Variants in MED27 observed in about 807,000 individuals in gnomAD.
MED27 encodes mediator complex subunit 27, also known as mediator of RNA polymerase II transcription subunit 27.
In MED27, 30 loss-of-function variants were observed where a neutral mutation model predicts 38.2. That is an observed-to-expected ratio of 0.79 (90% CI 0.59 to 1.07). The LOEUF (loss-of-function observed/expected upper bound fraction) is 1.07, where lower values mean the gene tolerates loss of function less well. Ranked by LOEUF, MED27 falls within the 50% of genes least tolerant of loss-of-function variation. MED27 has a pLI of 0.00. For synonymous variants in MED27, 122 were observed against 153.5 expected, an observed-to-expected ratio of 0.79 and a Z score of 1.52; for missense variants, 289 against 397.5, an observed-to-expected ratio of 0.73 and a Z score of 2.32.
intron 2 of MED27, among the ~76,000 whole-genome samples, chr9:132,059,180 C>A (rs1295062201): frequency 6.6e-6 from 1 of 152,212 alleles, no homozygotes; most frequent in East Asian, 1.9e-4. Flanking sequence ...AACTGAGACA[C>A]AACATACGGG....
chr9:131,940,243 C>T (rs1005789605), intron 3 of MED27, among the ~76,000 whole-genome samples: 7 of 152,002 alleles, frequency 4.6e-5, no homozygotes, highest in Admixed American at 4.6e-4. Flanking sequence ...CATTCCTGAT[C>T]TCCTGGTTGT....
intron 4 of MED27, among the ~76,000 whole-genome samples, chr9:131,921,435 C>T (rs1830389689): frequency 6.6e-6 from 1 of 152,144 alleles, no homozygotes; most frequent in Admixed American, 6.6e-5. Context: ...CCTTCATCAT[C>T]ACTGGCCATC....
At chr9:131,926,204 C>T (rs917840775) in intron 4 of MED27, among the ~76,000 whole-genome samples, 2 of 152,262 alleles carry the variant, frequency 1.3e-5, no homozygotes, top group Non-Finnish European at 1.5e-5. Flanking sequence ...GCAAAAACTT[C>T]GTGTGGTCCA....
intron 2 of MED27, among the ~76,000 whole-genome samples, chr9:132,042,979 T>C (rs972930708): frequency 1.3e-5 from 2 of 152,214 alleles, no homozygotes; most frequent in African/African-American, 2.4e-5. Flanking sequence ...TAGGTACTTT[T>C]GTTTTTGAGG....
At chr9:131,985,471 T>A (rs1831829544) in intron 3 of MED27, among the ~76,000 whole-genome samples, 1 of 152,164 alleles carries the variant, frequency 6.6e-6, no homozygotes, top group Non-Finnish European at 1.5e-5. Context: ...AGTGGTCCCA[T>A]AAGATTATAA....
At chr9:131,934,883 A>C (rs928186252) in intron 4 of MED27, among the ~76,000 whole-genome samples, 1 of 152,236 alleles carries the variant, frequency 6.6e-6, no homozygotes, top group Non-Finnish European at 1.5e-5. Flanking sequence ...TTCAGCCATA[A>C]AAAGTACAAG....
chr9:132,036,727 A>G lies in MED27; in HGVS notation c.349-22260T>C, dbSNP rs75885770. Among the ~76,000 whole-genome samples the G allele has an allele frequency of 1.0e-3, 153 of 152,346 alleles. 1 individual carries two copies. The East Asian group carries it at 0.026, about 26-fold the overall frequency. ...CTGTGAAAACACATTTATTACAGAA[A>G]CATGACTCAGTCTATTTCCAGGTAC... is the stretch of plus-strand genomic sequence containing the variant. On this transcript the variant is annotated intron_variant, in intron 2 of 7. Transcript: ENST00000292035.
At chr9:131,877,997 G>A (rs958424803) in intron 6 of MED27, among the ~76,000 whole-genome samples, 21 of 152,082 alleles carry the variant, frequency 1.4e-4, no homozygotes, top group East Asian at 3.9e-4. Context: ...TGAACAGGCC[G>A]GGCGCGGTGG....
chr9:131,986,126 G>A (rs1216562621), intron 3 of MED27, among the ~76,000 whole-genome samples: 3 of 152,160 alleles, frequency 2.0e-5, no homozygotes, highest in African/African-American at 7.2e-5. Context: ...AGTTTATAAA[G>A]TGAAAAAGTA....
intron 2 of MED27, among the ~76,000 whole-genome samples, chr9:132,058,109 T>A (rs1233655964): frequency 6.6e-6 from 1 of 152,202 alleles, no homozygotes; most frequent in Non-Finnish European, 1.5e-5. Flanking sequence ...GTAAAAACTT[T>A]AAGCTGAGTG....
Position 131,860,655 on chromosome 9 carries a change from G to A in MED27, c.819C>T (p.Tyr273=). 6.2e-7 allele frequency: 1 copy of A among 1,613,420 alleles called. No individual in the cohort carries two copies. The highest frequency in any genetic ancestry group is 8.5e-7 in the Non-Finnish European group (1 of 1,179,758). Reference sequence around the variant, plus strand: ...GGCACGGGGCCTGGAACAGCTTTATGTAACTTCTTAACCAGGTCTAAAAAG... The same window carrying A: ...GGCACGGGGCCTGGAACAGCTTTATATAACTTCTTAACCAGGTCTAAAAAG... ...VRSFMTWLRS[Y]IKLFQAPCQR... The change falls in exon 8 of 8, where the codon TAC becomes TAT. Residue 273 remains tyrosine, a synonymous_variant. Transcript: ENST00000292035. This position sits in a 1 kb window ranked among gnomAD's most constrained non-coding sequence, Gnocchi z 5.8.
Position 131,980,859 on chromosome 9 carries a change from T to C in MED27, c.479+33478A>G, listed in dbSNP as rs114249829. ...TTCCCGCAGCAGACAGCAGGCAGCATAGACACAGTTGAATTTCTTGTTAGT... is the reference window on the plus strand; with the variant it reads ...TTCCCGCAGCAGACAGCAGGCAGCACAGACACAGTTGAATTTCTTGTTAGT... On this transcript the variant is annotated intron_variant, in intron 3 of 7. Transcript: ENST00000292035. Among the ~76,000 whole-genome samples the C allele has an allele frequency of 9.7e-3, 1,473 of 152,246 alleles. 25 individuals are homozygous for C. The highest frequency in any genetic ancestry group is 0.034 in the African/African-American group (1,403 of 41,540).
chr9:131,910,590 T>C (rs1253498596), intron 4 of MED27, among the ~76,000 whole-genome samples: 1 of 152,240 alleles, frequency 6.6e-6, no homozygotes, highest in African/African-American at 2.4e-5. Context: ...TCCCACACTT[T>C]GCATGGCTTT....
chr9:131,881,599 T>C (rs1050332275), intron 6 of MED27, among the ~76,000 whole-genome samples: 3 of 152,210 alleles, frequency 2.0e-5, no homozygotes, highest in Non-Finnish European at 4.4e-5. Flanking sequence ...GCTGCAAAGA[T>C]GCAATAGACA....
At chr9:131,898,687 C>T (rs1476073286) in intron 4 of MED27, among the ~76,000 whole-genome samples, 3 of 151,740 alleles carry the variant, frequency 2.0e-5, no homozygotes, top group South Asian at 4.2e-4. Flanking sequence ...AAAGTTCAAG[C>T]GATTCTCCTT....
intron 2 of MED27, among the ~76,000 whole-genome samples, chr9:132,065,245 C>A (rs899878182): frequency 6.6e-6 from 1 of 152,140 alleles, no homozygotes; most frequent in African/African-American, 2.4e-5. Context: ...AGGGCTAAGA[C>A]CAGAATGCAC....
intron 4 of MED27, among the ~76,000 whole-genome samples, chr9:131,899,285 C>T (rs1361803649): frequency 6.6e-6 from 1 of 152,140 alleles, no homozygotes; most frequent in African/African-American, 2.4e-5. Flanking sequence ...ACTGGGGCTA[C>T]AGGAAGCTGA....
At chr9:132,014,585 T>G (rs1399575210) in intron 2 of MED27, 118 bp from the exon 3 acceptor site, 1 of 1,012,832 alleles carries the variant, frequency 9.9e-7, no homozygotes. Flanking sequence ...TTAAGTAACT[T>G]CAAATACAAC....
intron 6 of MED27, among the ~76,000 whole-genome samples, chr9:131,870,662 G>A (rs1014179357): frequency 1.3e-5 from 2 of 152,136 alleles, no homozygotes; most frequent in African/African-American, 4.8e-5. Flanking sequence ...GGGGTTGTGG[G>A]GGGATGAAGA....
Sources: gnomAD v4.1 joint callset for allele counts (sites outside exome capture counted in the v4.1 genomes callset) on GRCh38, gnomAD v4.1.1 for gene constraint, Gnocchi (gnomAD v3.1) non-coding constraint, MANE v1.5 for transcripts, NCBI Gene and HGNC (gene_info 2026-07-23, HGNC 2026-07-21) for gene names.